Variants in CDK14 observed in about 807,000 individuals in gnomAD.
CDK14 encodes the protein cyclin-dependent kinase 14.
A neutral mutation model predicts 60.7 loss-of-function variants in CDK14; 34 were observed. The observed-to-expected ratio is 0.56, with a 90% confidence interval of 0.43 to 0.75. CDK14 has a LOEUF of 0.75. Ranked by LOEUF, CDK14 falls within the 30% of genes least tolerant of loss-of-function variation. The pLI, the probability that CDK14 is intolerant of heterozygous loss-of-function variation, is 0.00. For synonymous variants in CDK14, 197 were observed against 203.7 expected, an observed-to-expected ratio of 0.97 and a Z score of 0.28; for missense variants, 482 against 564.1, an observed-to-expected ratio of 0.85 and a Z score of 1.47.
intron 5 of CDK14, among the ~76,000 whole-genome samples, chr7:90,833,786 T>C (rs2040522): frequency 0.73 from 111,476 of 152,060 alleles, 41,160 homozygotes; most frequent in East Asian, 0.89. Context: ...CTTTCGAAGC[T>C]GGCAAGATTT....
intron 5 of CDK14, among the ~76,000 whole-genome samples, chr7:90,838,390 A>G (rs1790182750): frequency 6.6e-6 from 1 of 152,152 alleles, no homozygotes; most frequent in Non-Finnish European, 1.5e-5. Flanking sequence ...TTTGAACAAT[A>G]TGAAATCAGT....
chr7:91,135,366 A>G (rs1385059638), intron 14 of CDK14, among the ~76,000 whole-genome samples: 2 of 152,202 alleles, frequency 1.3e-5, no homozygotes, highest in Non-Finnish European at 2.9e-5. Context: ...TTACAAGTAA[A>G]TGAGCCCCCT....
At chr7:91,056,456 G>A (rs1797563068) in intron 11 of CDK14, among the ~76,000 whole-genome samples, 2 of 152,014 alleles carry the variant, frequency 1.3e-5, no homozygotes, top group Non-Finnish European at 2.9e-5. Flanking sequence ...TGTGCACAAT[G>A]TGCAGGTTGG....
intron 10 of CDK14, among the ~76,000 whole-genome samples, chr7:91,022,529 A>C (rs1365841216): frequency 6.6e-6 from 1 of 152,222 alleles, no homozygotes; most frequent in Non-Finnish European, 1.5e-5. Flanking sequence ...ATTTTAATAA[A>C]TCCAAACAAT....
At chr7:90,896,268 T>C (rs1391424770) in intron 6 of CDK14, among the ~76,000 whole-genome samples, 6 of 152,126 alleles carry the variant, frequency 3.9e-5, no homozygotes, top group African/African-American at 1.4e-4. Flanking sequence ...TTTTAGACTT[T>C]TTTAACTTTT....
intron 14 of CDK14, among the ~76,000 whole-genome samples, chr7:91,120,131 T>C (rs1435630850): frequency 2.0e-5 from 3 of 152,340 alleles, no homozygotes; most frequent in Admixed American, 2.0e-4. Flanking sequence ...TGCTACCTCA[T>C]ACACACATGC....
chr7:90,829,796 G>A (rs1323835126), intron 5 of CDK14, among the ~76,000 whole-genome samples: 1 of 152,176 alleles, frequency 6.6e-6, no homozygotes, highest in African/African-American at 2.4e-5. Flanking sequence ...GCCTCCCAAA[G>A]TGCTGGGATT....
chr7:91,085,995 A>G (rs7789934), intron 12 of CDK14, among the ~76,000 whole-genome samples: 3,624 of 152,212 alleles, frequency 0.024, 137 homozygotes, highest in African/African-American at 0.08. Context: ...TTTTTTTACT[A>G]TATTTAAATG....
chr7:90,854,085 T>G (rs1035559633), intron 5 of CDK14, among the ~76,000 whole-genome samples: 9 of 152,226 alleles, frequency 5.9e-5, no homozygotes, highest in Non-Finnish European at 8.8e-5. Flanking sequence ...CTGGGACTTG[T>G]AGCCATGGCA....
Position 90,953,582 on chromosome 7 carries a change from C to T in CDK14, c.827-2115C>T, listed in dbSNP as rs1468383770. ...TACTACTTCTAGATTATTTTGAGGT[C>T]TTATTTTCCCCTTTACAACTGGGAA... On this transcript the variant is annotated intron_variant, in intron 8 of 14. Transcript: ENST00000380050. Among the ~76,000 whole-genome samples the T allele has an allele frequency of 8.5e-5, 13 of 152,226 alleles. No individual in the cohort carries two copies. In the East Asian group the frequency reaches 1.9e-3, roughly 23 times the overall value.
intron 14 of CDK14, among the ~76,000 whole-genome samples, chr7:91,151,871 AG>A (rs1257492130): frequency 1.3e-5 from 2 of 152,194 alleles, no homozygotes. Context: ...TAGCCCATCA[AG>A]CCCAAAACAG....
At chr7:90,637,707 G>A (rs551960559) in intron 2 of CDK14, among the ~76,000 whole-genome samples, 143 of 144,422 alleles carry the variant, frequency 9.9e-4, no homozygotes, top group African/African-American at 2.4e-3. Flanking sequence ...TTTCTGTCTC[G>A]TTGATCTGTC....
intron 2 of CDK14, among the ~76,000 whole-genome samples, chr7:90,689,037 G>A (rs1563045352): frequency 6.6e-6 from 1 of 152,062 alleles, no homozygotes; most frequent in Non-Finnish European, 1.5e-5. Context: ...TGGAGCTTGA[G>A]CTCTGTCCTC....
At chr7:90,669,151 T>C (rs1295482705) in intron 2 of CDK14, among the ~76,000 whole-genome samples, 1 of 152,164 alleles carries the variant, frequency 6.6e-6, no homozygotes, top group East Asian at 1.9e-4. Flanking sequence ...TAACTAACCA[T>C]GACATAATTT....
chr7:91,064,457 C>T (rs1797910800), intron 11 of CDK14, among the ~76,000 whole-genome samples: 1 of 152,218 alleles, frequency 6.6e-6, no homozygotes, highest in Non-Finnish European at 1.5e-5. Context: ...TGGAGATAAT[C>T]ATACCCCTAC....
intron 5 of CDK14, chr7:90,824,497 C>T (rs1027905579): frequency 5.3e-5 from 8 of 152,254 alleles, no homozygotes; most frequent in Admixed American, 2.6e-4. Flanking sequence ...AATAATTCTA[C>T]CTCTGTGTTC....
intron 2 of CDK14, among the ~76,000 whole-genome samples, chr7:90,676,249 A>G (rs1421088420): frequency 2.0e-5 from 3 of 152,102 alleles, no homozygotes; most frequent in African/African-American, 7.2e-5. Context: ...GGAAAAGGAG[A>G]TAGGAGGTAT....
intron 11 of CDK14, among the ~76,000 whole-genome samples, chr7:91,049,888 C>T (rs924770878): frequency 6.6e-6 from 1 of 151,964 alleles, no homozygotes; most frequent in Non-Finnish European, 1.5e-5. Context: ...GTGATAAGTA[C>T]TGTGGAGGAA....
intron 5 of CDK14, among the ~76,000 whole-genome samples, chr7:90,812,328 G>A (rs939645928): frequency 3.3e-5 from 5 of 152,194 alleles, no homozygotes; most frequent in East Asian, 1.9e-4. Context: ...GGACATGGAT[G>A]AAGCTGGAAA....
Sources: allele counts gnomAD v4.1 joint callset (sites outside exome capture counted in the v4.1 genomes callset), GRCh38; gene constraint gnomAD v4.1.1; transcripts MANE v1.5; gene names NCBI Gene and HGNC (gene_info 2026-07-23, HGNC 2026-07-21).